Variants in TMEM87B observed in about 807,000 individuals in gnomAD.
TMEM87B encodes the protein transmembrane protein 87B.
In TMEM87B, 83 loss-of-function variants were observed where a neutral mutation model predicts 80.3. The ratio of observed to expected loss-of-function variants is 1.03; its 90% confidence interval spans 0.87 to 1.24. The LOEUF (loss-of-function observed/expected upper bound fraction) is 1.24, where lower values mean the gene tolerates loss of function less well. TMEM87B is among the 50% of genes most tolerant of loss of function. The pLI is 0.00. For synonymous variants in TMEM87B, 219 were observed against 230.5 expected, an observed-to-expected ratio of 0.95 and a Z score of 0.45; for missense variants, 625 against 674.4, an observed-to-expected ratio of 0.93 and a Z score of 0.81.
intron 1 of TMEM87B, among the ~76,000 whole-genome samples, chr2:112,056,309 C>A (rs1318941404): frequency 6.6e-6 from 1 of 151,960 alleles, no homozygotes; most frequent in Non-Finnish European, 1.5e-5. Context: ...TTCTTGAGTT[C>A]CTGAATTTCT....
In TMEM87B at chr2:112,098,702, C is replaced by T; in HGVS notation, c.1376+4C>T. Reference sequence around the variant, plus strand: ...GACCATCAGCAAACAATCAGAGGTACCTAACATAGGAAATTTCAAGTCGTC... The same window carrying T: ...GACCATCAGCAAACAATCAGAGGTATCTAACATAGGAAATTTCAAGTCGTC... On this transcript the variant is annotated splice_donor_region_variant and intron_variant, in intron 14 of 18. Transcript: ENST00000283206. 1 of 1,613,118 alleles carries T rather than the reference C, an allele frequency of 6.2e-7. No individual in the cohort carries two copies. Among genetic ancestry groups the T allele is most frequent in the Non-Finnish European group, 8.5e-7 (1 of 1,179,248 alleles).
chr2:112,109,679 T>C (rs1242374690), intron 17 of TMEM87B, among the ~76,000 whole-genome samples: 9 of 148,042 alleles, frequency 6.1e-5, no homozygotes, highest in Non-Finnish European at 1.0e-4. Flanking sequence ...TTTTTTTTTT[T>C]TTTTTTTGTC....
At chr2:112,103,763 A>G (rs1679694083) in intron 15 of TMEM87B, among the ~76,000 whole-genome samples, 1 of 152,216 alleles carries the variant, frequency 6.6e-6, no homozygotes, top group African/African-American at 2.4e-5. Flanking sequence ...TGAATATCTC[A>G]AAATCTAACT....
chr2:112,078,308 G>A (rs1031481822), intron 6 of TMEM87B, among the ~76,000 whole-genome samples: 2 of 152,198 alleles, frequency 1.3e-5, no homozygotes, highest in Admixed American at 6.5e-5. Flanking sequence ...GTGCCACCAA[G>A]TTTGGTGTCT....
In TMEM87B at chr2:112,081,726, G is replaced by A. The variant is rs546855884; in HGVS notation, c.838+208G>A. Among the ~76,000 whole-genome samples, 10 of 152,218 alleles carry A rather than the reference G, an allele frequency of 6.6e-5. No individual in the cohort carries two copies. In the East Asian group the frequency reaches 1.9e-3, roughly 29 times the overall value. ...CTCTTCATTATCTGTTTTCCTTCTTGCTAAATTTCCCCTCACTTTCCTCCT... is the reference window on the plus strand; with the variant it reads ...CTCTTCATTATCTGTTTTCCTTCTTACTAAATTTCCCCTCACTTTCCTCCT... On this transcript the variant is annotated intron_variant, in intron 8 of 18. Coordinates refer to ENST00000283206, the MANE Select transcript of TMEM87B (RefSeq NM_032824.3).
intron 17 of TMEM87B, among the ~76,000 whole-genome samples, chr2:112,108,464 T>C (rs1238060238): frequency 6.6e-6 from 1 of 152,238 alleles, no homozygotes; most frequent in African/African-American, 2.4e-5. Context: ...GCAGGTATGC[T>C]GGTAGTGAAT....
intron 6 of TMEM87B, among the ~76,000 whole-genome samples, chr2:112,080,180 T>C (rs1419021322): frequency 2.6e-5 from 4 of 152,034 alleles, no homozygotes; most frequent in Non-Finnish European, 5.9e-5. Context: ...CTGCCCACCT[T>C]GGCCTCCCAA....
intron 9 of TMEM87B, among the ~76,000 whole-genome samples, chr2:112,088,981 G>A (rs769174335): frequency 8.0e-4 from 122 of 152,078 alleles, no homozygotes; most frequent in Non-Finnish European, 1.4e-3. Context: ...GTTTGGTCTC[G>A]AACTCCTGAG....
Position 112,064,172 on chromosome 2 carries a change from C to T in TMEM87B, c.237C>T (p.Phe79=). The part of the protein sequence containing the change: ...STDIKLSVKS[F]HCSGPVKFTI... Reference sequence around the variant, plus strand: ...TCTTTTTCTAAACAGTTAAGTCATTCCATTGTTCTGGGCCTGTGAAGTTTA... The same window carrying T: ...TCTTTTTCTAAACAGTTAAGTCATTTCATTGTTCTGGGCCTGTGAAGTTTA... Residue 79 remains phenylalanine, a synonymous_variant, in exon 3 of 19, where the codon TTC becomes TTT. Coordinates refer to ENST00000283206, the MANE Select transcript of TMEM87B (RefSeq NM_032824.3). 1 of 1,613,370 alleles carries T rather than the reference C, an allele frequency of 6.2e-7. No individual in the cohort carries two copies. Among genetic ancestry groups the T allele is most frequent in the African/African-American group, 1.3e-5 (1 of 75,004 alleles).
At chr2:112,057,324 A>G (rs1678106609) in intron 1 of TMEM87B, among the ~76,000 whole-genome samples, 1 of 152,192 alleles carries the variant, frequency 6.6e-6, no homozygotes, top group Non-Finnish European at 1.5e-5. Context: ...CCTAGGCTGG[A>G]GTGCAGTGGC....
chr2:112,057,239 C>A (rs745772925), intron 1 of TMEM87B, among the ~76,000 whole-genome samples: 14 of 152,162 alleles, frequency 9.2e-5, no homozygotes, highest in Non-Finnish European at 1.8e-4. Context: ...GGCTTTCTTT[C>A]ATTTGTACTG....
chr2:112,106,296 C>G (rs1015439898), intron 16 of TMEM87B, among the ~76,000 whole-genome samples: 1 of 150,670 alleles, frequency 6.6e-6, no homozygotes, highest in African/African-American at 2.4e-5. Context: ...ACCTGCTGTT[C>G]CTAGGCCAGC....
chr2:112,113,229 A>G (rs986717079), intron 18 of TMEM87B, among the ~76,000 whole-genome samples: 1 of 152,200 alleles, frequency 6.6e-6, no homozygotes, highest in African/African-American at 2.4e-5. Context: ...ACTTGTAGAC[A>G]TTTTGCTGAG....
intron 6 of TMEM87B, among the ~76,000 whole-genome samples, chr2:112,080,397 C>A (rs1362275640): frequency 1.3e-5 from 2 of 152,106 alleles, no homozygotes; most frequent in Middle Eastern, 6.8e-3. Flanking sequence ...GTAGCTGGGA[C>A]TACAGGTGCT....
chr2:112,089,633 T>G lies in TMEM87B; in HGVS notation c.947T>G (p.Leu316Ter). ...CCTCTTCCTGATTCCAGGCCTCGTT[T>G]AGGAACAGTCATGCACCGGGTGATC... ...SLGYGIVKPR[L>*]GTVMHRVIGL... Residue 316 changes from leucine (L) to a stop codon, truncating the protein, a stop_gained, in exon 10 of 19, where the codon TTA becomes TGA. Coordinates refer to ENST00000283206, the MANE Select transcript of TMEM87B (RefSeq NM_032824.3). LOFTEE classifies it high-confidence loss of function. 6.2e-7 allele frequency: 1 copy of G among 1,614,154 alleles called. No homozygotes were observed. The highest frequency in any genetic ancestry group is 8.5e-7 in the Non-Finnish European group (1 of 1,179,986).
Position 112,055,618 on chromosome 2 carries a change from C to G in TMEM87B, c.27C>G (p.Ala9=). 2 of 1,538,444 alleles carry G rather than the reference C, an allele frequency of 1.3e-6. No homozygotes were observed. The highest frequency in any genetic ancestry group is 1.7e-6 in the Non-Finnish European group (2 of 1,144,464). Reference sequence around the variant, plus strand: ...TGGTCGCCGCCTGCCGCTCGGTAGCCGGGCTCCTGCCACGCCGCCGCCGCT... The same window carrying G: ...TGGTCGCCGCCTGCCGCTCGGTAGCGGGGCTCCTGCCACGCCGCCGCCGCT... MVAACRSV[A]GLLPRRRRCF... is the part of the protein sequence containing the mutation. Residue 9 remains alanine (A), a synonymous_variant, in exon 1 of 19, where the codon GCC becomes GCG. Coordinates refer to ENST00000283206, the MANE Select transcript of TMEM87B (RefSeq NM_032824.3).
chr2:112,070,996 T>C (rs1678609103), intron 4 of TMEM87B, among the ~76,000 whole-genome samples: 1 of 149,968 alleles, frequency 6.7e-6, no homozygotes, highest in Non-Finnish European at 1.5e-5. Flanking sequence ...TAATTTTTTG[T>C]ATTTTTTTTT....
chr2:112,057,821 C>T (rs971610181), intron 1 of TMEM87B, among the ~76,000 whole-genome samples: 7 of 146,968 alleles, frequency 4.8e-5, no homozygotes, highest in Admixed American at 6.9e-5. Flanking sequence ...AGAGACCTGC[C>T]TCAGTCTTTT....
intron 11 of TMEM87B, among the ~76,000 whole-genome samples, chr2:112,096,172 T>A (rs527919449): frequency 6.6e-6 from 1 of 152,314 alleles, no homozygotes; most frequent in South Asian, 2.1e-4. Flanking sequence ...TCACGAATAA[T>A]TAGATGAACT....
Sources: gnomAD v4.1 joint callset for allele counts (sites outside exome capture counted in the v4.1 genomes callset) on GRCh38, gnomAD v4.1.1 for gene constraint, MANE v1.5 for transcripts, NCBI Gene and HGNC (gene_info 2026-07-23, HGNC 2026-07-21) for gene names.